Variants in PTK2 observed in about 807,000 individuals in gnomAD.
PTK2 encodes the protein protein tyrosine kinase 2, also known as focal adhesion kinase 1.
Under a neutral mutation model 150.1 loss-of-function variants are expected in PTK2, and 45 were observed. The ratio of observed to expected loss-of-function variants is 0.30; its 90% CI spans 0.24 to 0.38. The LOEUF is 0.38. Ranked by LOEUF, PTK2 falls within the 10% of genes least tolerant of loss-of-function variation. The pLI is 1.00. For missense variants in PTK2, 919 were observed against 1,307.3 expected, an observed-to-expected ratio of 0.70 and a Z score of 4.58; for synonymous variants, 432 against 449.2, an observed-to-expected ratio of 0.96 and a Z score of 0.48.
chr8:140,760,060 A>C (rs963382932), intron 16 of PTK2, among the ~76,000 whole-genome samples: 1 of 151,968 alleles, frequency 6.6e-6, no homozygotes, highest in African/African-American at 2.4e-5. Flanking sequence ...CGTCTCTACT[A>C]AAAAAACAAA....
chr8:140,959,218 TAC>T (rs2100182219), intron 1 of PTK2, among the ~76,000 whole-genome samples: 2 of 152,032 alleles, frequency 1.3e-5, no homozygotes, highest in Admixed American at 6.6e-5. Flanking sequence ...TGAATGTGGT[TAC>T]ACACACATAT....
intron 1 of PTK2, among the ~76,000 whole-genome samples, chr8:140,971,984 T>C (rs2100187437): frequency 6.6e-6 from 1 of 152,226 alleles, no homozygotes; most frequent in Non-Finnish European, 1.5e-5. Context: ...ATTCTATAAA[T>C]GCCTTCTAAG....
chr8:140,726,295 C>T (rs1208354037), intron 22 of PTK2, among the ~76,000 whole-genome samples: 4 of 152,002 alleles, frequency 2.6e-5, no homozygotes, highest in Admixed American at 1.3e-4. Flanking sequence ...TCTTAACACA[C>T]GTGCGACTGG....
chr8:140,807,752 A>C (rs2154600846), intron 10 of PTK2, among the ~76,000 whole-genome samples: 1 of 152,372 alleles, frequency 6.6e-6, no homozygotes, highest in East Asian at 1.9e-4. Flanking sequence ...ATCAAATAAA[A>C]TATATTAAAA....
At chr8:140,684,189 T>G (rs2100018534) in intron 27 of PTK2, among the ~76,000 whole-genome samples, 1 of 152,184 alleles carries the variant, frequency 6.6e-6, no homozygotes, top group South Asian at 2.1e-4. Flanking sequence ...ACAGGTTTCG[T>G]GGAAGACAAT....
At chr8:140,962,594 C>G (rs989811911) in intron 1 of PTK2, among the ~76,000 whole-genome samples, 1 of 140,426 alleles carries the variant, frequency 7.1e-6, no homozygotes, top group Admixed American at 7.1e-5. Flanking sequence ...GTGAGGAGAT[C>G]GAGACCATCC....
intron 10 of PTK2, among the ~76,000 whole-genome samples, chr8:140,815,587 T>G (rs2100104242): frequency 6.6e-6 from 1 of 152,130 alleles, no homozygotes; most frequent in African/African-American, 2.4e-5. Flanking sequence ...AAAAAATCAC[T>G]GAAAGATTCC....
At chr8:140,860,542 T>C (rs1290143084) in intron 5 of PTK2, among the ~76,000 whole-genome samples, 3 of 152,214 alleles carry the variant, frequency 2.0e-5, no homozygotes, top group African/African-American at 7.2e-5. Flanking sequence ...TGGCATGATC[T>C]TGGCTCACTG....
rs752265700 is a variant in PTK2 at position 140,761,121 on chromosome 8, T to C, written c.1332+44A>G. 3.8e-5 allele frequency: 49 copies of C among 1,296,356 alleles called. 1 individual carries two copies. The East Asian group carries it at 1.1e-3, about 30-fold the overall frequency. 80.3% of individuals were successfully genotyped at this position (1,296,356 alleles called of 1,614,324 possible). A position where few individuals can be genotyped will look rare whatever the true frequency, so the allele number is the denominator to read the frequency against. On this transcript the variant is annotated intron_variant, in intron 16 of 31. Transcript: ENST00000522684. ...CAAACAAAAGCAATTTAAACTTAAA[T>C]AGTCAAAATTAGTCTAGTTGTTTGG...
At chr8:140,688,977 A>T (rs539740360) in intron 26 of PTK2, among the ~76,000 whole-genome samples, 1 of 152,338 alleles carries the variant, frequency 6.6e-6, no homozygotes, top group Non-Finnish European at 1.5e-5. Flanking sequence ...CTATCCCATT[A>T]GATATAGACA....
chr8:140,783,335 G>C (rs2100082964), intron 14 of PTK2, among the ~76,000 whole-genome samples: 1 of 152,308 alleles, frequency 6.6e-6, no homozygotes, highest in South Asian at 2.1e-4. Context: ...TTACTTACTA[G>C]CTATGTGAAC....
chr8:140,908,916 A>G (rs1056765869), intron 2 of PTK2, among the ~76,000 whole-genome samples: 3 of 152,196 alleles, frequency 2.0e-5, no homozygotes, highest in Non-Finnish European at 4.4e-5. Flanking sequence ...TTTTTCCATA[A>G]TAAAATACAT....
intron 16 of PTK2, among the ~76,000 whole-genome samples, chr8:140,758,784 T>C (rs1355993415): frequency 6.6e-6 from 1 of 152,224 alleles, no homozygotes; most frequent in East Asian, 1.9e-4. Context: ...TTATAGCCTA[T>C]AGTAGTGTAG....
intron 26 of PTK2, among the ~76,000 whole-genome samples, chr8:140,699,331 G>A (rs528778846): frequency 6.6e-6 from 1 of 152,266 alleles, no homozygotes; most frequent in South Asian, 2.1e-4. Flanking sequence ...CTGGGTTCAA[G>A]GAGAGTGGGG....
chr8:140,852,595 A>G (rs1372601327), intron 5 of PTK2, among the ~76,000 whole-genome samples: 1 of 152,244 alleles, frequency 6.6e-6, no homozygotes, highest in Non-Finnish European at 1.5e-5. Flanking sequence ...AAAACTCACT[A>G]AACTGCATAC....
intron 20 of PTK2, among the ~76,000 whole-genome samples, chr8:140,740,357 G>C (rs1473340754): frequency 1.3e-5 from 2 of 152,100 alleles, no homozygotes; most frequent in Non-Finnish European, 2.9e-5. Context: ...GAGGAGAAGG[G>C]GTTGGTCAAG....
At chr8:140,662,145 G>A (rs962892876) in intron 31 of PTK2, among the ~76,000 whole-genome samples, 2 of 151,878 alleles carry the variant, frequency 1.3e-5, no homozygotes, top group Non-Finnish European at 2.9e-5. Context: ...AAAAAATAAA[G>A]AATTAGCTGG....
chr8:140,709,480 A>T (rs2100035601), intron 23 of PTK2, among the ~76,000 whole-genome samples: 1 of 152,212 alleles, frequency 6.6e-6, no homozygotes. Context: ...GTTCTCTACA[A>T]ATCAGAGGTT....
At chr8:140,678,128 C>T (rs1055877047) in intron 27 of PTK2, among the ~76,000 whole-genome samples, 65 of 152,184 alleles carry the variant, frequency 4.3e-4, no homozygotes, top group African/African-American at 1.4e-3. Context: ...CTCACTGCAA[C>T]CTCTGCAGCC....
Sources: gnomAD v4.1 joint callset for allele counts (sites outside exome capture counted in the v4.1 genomes callset) on GRCh38, gnomAD v4.1.1 for gene constraint, MANE v1.5 for transcripts, NCBI Gene and HGNC (gene_info 2026-07-23, HGNC 2026-07-21) for gene names.